The following TMEM74 variants were observed in gnomAD, a reference collection of about 807,000 sequenced individuals.
The protein encoded by TMEM74 is transmembrane protein 74.
A neutral mutation model predicts 18.1 loss-of-function variants in TMEM74; 13 were observed. The observed-to-expected ratio is 0.72, with a 90% CI of 0.47 to 1.14. TMEM74 has a LOEUF of 1.14. Among genes scored for constraint, TMEM74 ranks in the 50% most tolerant of loss-of-function variants. The probability of loss-of-function intolerance (pLI) is 0.00; values close to 1 mark genes in which losing one functional copy is unlikely to be tolerated. For missense variants in TMEM74, 372 were observed against 375.9 expected (o/e 0.99, Z 0.09); for synonymous variants, 159 against 146.6 (o/e 1.08, Z -0.61).
chr8:108,692,031 T>C (rs1191562141), intron 1 of TMEM74, among the ~76,000 whole-genome samples: 1 of 152,206 alleles, frequency 6.6e-6, no homozygotes, highest in Non-Finnish European at 1.5e-5. Flanking sequence ...TATAGTTTAA[T>C]TCTTACAAGA....
chr8:108,670,523 C>A (rs1339065666), intron 1 of TMEM74, among the ~76,000 whole-genome samples: 1 of 152,186 alleles, frequency 6.6e-6, no homozygotes, highest in Non-Finnish European at 1.5e-5. Flanking sequence ...TATGATGTCA[C>A]TTCCCCATTA....
intron 1 of TMEM74, among the ~76,000 whole-genome samples, chr8:108,769,236 G>T (rs1009596914): frequency 6.6e-6 from 1 of 151,866 alleles, no homozygotes; most frequent in Non-Finnish European, 1.5e-5. Flanking sequence ...GCTGAGGGAC[G>T]AGAATTGCTT....
chr8:108,620,994 G>C (rs976449434), intron 2 of TMEM74, among the ~76,000 whole-genome samples: 1 of 152,132 alleles, frequency 6.6e-6, no homozygotes, highest in African/African-American at 2.4e-5. Flanking sequence ...CATGATGCCT[G>C]GTCCTTGGTG....
chr8:108,729,703 T>A (rs1257323531), intron 1 of TMEM74, among the ~76,000 whole-genome samples: 1 of 152,240 alleles, frequency 6.6e-6, no homozygotes. Context: ...TCATTCATTT[T>A]CTTCCCTTTC....
At chr8:108,762,977 G>C (rs899121164) in intron 1 of TMEM74, among the ~76,000 whole-genome samples, 1 of 152,228 alleles carries the variant, frequency 6.6e-6, no homozygotes, top group South Asian at 2.1e-4. Context: ...AAAATCTCTA[G>C]AATTTAGCAA....
At chr8:108,765,407 CT>C (rs61334796) in intron 1 of TMEM74, among the ~76,000 whole-genome samples, 1,604 of 120,658 alleles carry the variant, frequency 0.013, 24 homozygotes, top group African/African-American at 0.03. Context: ...TTTGGAACTA[CT>C]TTTTTTTTTT....
At chr8:108,749,526 C>T (rs1813884124) in intron 1 of TMEM74, among the ~76,000 whole-genome samples, 1 of 152,080 alleles carries the variant, frequency 6.6e-6, no homozygotes, top group Non-Finnish European at 1.5e-5. Context: ...GCTGAAGTTG[C>T]CTATCAGCTT....
Position 108,785,002 on chromosome 8 carries a change from T to C in TMEM74, c.97A>G (p.Thr33Ala). Residue 33 changes from threonine (T) to alanine (A), a missense_variant, in exon 2 of 2, where the codon ACA (threonine) becomes GCA (alanine). Transcript: ENST00000297459. Reference protein sequence around the residue: ...SRGLPGDQADTAATRAALCCQ... With the variant: ...SRGLPGDQADAAATRAALCCQ... ...CAGAGAGCAGCTCTTGTGGCTGCTG[T>C]ATCTGCCTGGTCACCAGGCAGCCCT... 5 of 1,614,150 alleles carry C rather than the reference T, an allele frequency of 3.1e-6. No individual in the cohort carries two copies. Among genetic ancestry groups the C allele is most frequent in the Non-Finnish European group, 4.2e-6 (5 of 1,180,034 alleles).
At chr8:108,699,563 T>C (rs1813315573) in intron 1 of TMEM74, among the ~76,000 whole-genome samples, 2 of 152,156 alleles carry the variant, frequency 1.3e-5, no homozygotes, top group African/African-American at 4.8e-5. Flanking sequence ...GGAACAATTA[T>C]ATTGAAATAA....
chr8:108,609,701 A>T (rs1812314703), intron 2 of TMEM74, among the ~76,000 whole-genome samples: 1 of 152,224 alleles, frequency 6.6e-6, no homozygotes, highest in Non-Finnish European at 1.5e-5. Flanking sequence ...TGCCTTTATC[A>T]TTGCAACAAC....
rs34769336 is a variant in TMEM74, at chr8:108,707,331, TAA to T, written n.120-51896_120-51895del. Among the ~76,000 whole-genome samples the T allele has an allele frequency of 8.6e-4, 126 of 147,178 alleles. 1 individual carries two copies. In the South Asian group the frequency reaches 0.014, roughly 16 times the overall value. ...CACATGTACCCTAGAACTTAAACTA[TAA>T]AAAAAAAAAATCCCTTATCCCCACC... On this transcript the variant is annotated intron_variant and non_coding_transcript_variant, in intron 1 of 3. Coordinates refer to the TMEM74 transcript ENST00000518838.
intron 1 of TMEM74, among the ~76,000 whole-genome samples, chr8:108,686,064 C>T (rs1196433315): frequency 6.6e-6 from 1 of 151,866 alleles, no homozygotes; most frequent in Non-Finnish European, 1.5e-5. Flanking sequence ...TAATTAAAAT[C>T]CCAGTATTTT....
chr8:108,623,370 C>G (rs991290070), intron 2 of TMEM74, among the ~76,000 whole-genome samples: 1 of 152,028 alleles, frequency 6.6e-6, no homozygotes, highest in African/African-American at 2.4e-5. Context: ...CTTTTGTTGG[C>G]TTTTGAAGCT....
chr8:108,743,014 TC>T (rs1434061264), intron 1 of TMEM74, among the ~76,000 whole-genome samples: 1 of 152,244 alleles, frequency 6.6e-6, no homozygotes, highest in African/African-American at 2.4e-5. Context: ...TGGCATTTCC[TC>T]CTTGCTTGTT....
rs746987446 is a variant in TMEM74, at chr8:108,784,675, C to T, written c.424G>A (p.Glu142Lys). The part of the protein sequence containing the change: ...GHNHPGELGW[E>K]NPNEWSQEAA... ...TCTTGGGACCACTCATTTGGATTTT[C>T]CCAGCCAAGCTCCCCAGGGTGATTA... The change falls in exon 2 of 2, where the codon GAA becomes AAA. Residue 142 changes from glutamate (E) to lysine (K), a missense_variant. By Grantham distance (56) the Glu-to-Lys change is moderately conservative. Coordinates refer to ENST00000297459, the MANE Select transcript of TMEM74 (RefSeq NM_153015.3). 1 of 1,614,152 alleles carries T rather than the reference C, an allele frequency of 6.2e-7. No homozygotes were observed. Among genetic ancestry groups the T allele is most frequent in the Non-Finnish European group, 8.5e-7 (1 of 1,180,000 alleles).
At position 108,781,470 on chromosome 8, in the gene TMEM74, G is replaced by T. The variant is rs944137344; in HGVS notation, c.*2711C>A. Among the ~76,000 whole-genome samples the T allele has an allele frequency of 4.6e-5, 7 of 152,058 alleles. No individual in the cohort carries two copies. Among genetic ancestry groups the T allele is most frequent in the African/African-American group, 1.7e-4 (7 of 41,410 alleles). ...CAAGTAATCTTCATATTGAATTCAG[G>T]CAGGATGGATAAGGGCTACATAAAC... On this transcript the variant is annotated 3_prime_UTR_variant, in exon 2 of 2. Coordinates refer to ENST00000297459, the MANE Select transcript of TMEM74 (RefSeq NM_153015.3).
At chr8:108,670,035 G>GAAA (rs1192889404) in intron 1 of TMEM74, among the ~76,000 whole-genome samples, 1 of 60,876 alleles carries the variant, frequency 1.6e-5, no homozygotes, top group Non-Finnish European at 4.0e-5. Context: ...AAGATTCTGT[G>GAAA]AAAAAAAAAA....
intron 1 of TMEM74, among the ~76,000 whole-genome samples, chr8:108,720,771 T>C: frequency 6.6e-6 from 1 of 151,924 alleles, no homozygotes; most frequent in Admixed American, 6.6e-5. Context: ...TGTTTGTTTG[T>C]TTGTTTGTTT....
At chr8:108,651,811 G>A (rs1337832407) in intron 2 of TMEM74, among the ~76,000 whole-genome samples, 1 of 151,966 alleles carries the variant, frequency 6.6e-6, no homozygotes, top group Non-Finnish European at 1.5e-5. Flanking sequence ...ATATGTGTAT[G>A]CATTGCATCA....
Sources: allele counts gnomAD v4.1 joint callset (sites outside exome capture counted in the v4.1 genomes callset), GRCh38; gene constraint gnomAD v4.1.1; transcripts MANE v1.5; gene names NCBI Gene and HGNC (gene_info 2026-07-23, HGNC 2026-07-21).